Variants in EIF2AK2 observed in about 807,000 individuals in gnomAD.
The protein encoded by EIF2AK2 is interferon-induced, double-stranded RNA-activated protein kinase.
EIF2AK2 carries 40 observed loss-of-function variants against 70.5 expected under a neutral mutation model. That is an observed-to-expected ratio of 0.57 (90% CI 0.44 to 0.74). EIF2AK2 has a LOEUF of 0.74. Among genes scored for constraint, EIF2AK2 ranks in the 30% least tolerant of loss-of-function variants. The pLI, the probability that EIF2AK2 is intolerant of heterozygous loss-of-function variation, is 0.00. For missense variants in EIF2AK2, 555 were observed against 644.3 expected, an observed-to-expected ratio of 0.86 and a Z score of 1.50; for synonymous variants, 198 against 220.9, an observed-to-expected ratio of 0.90 and a Z score of 0.92.
chr2:37,127,337 C>A (rs920379523), intron 10 of EIF2AK2, among the ~76,000 whole-genome samples: 1 of 152,152 alleles, frequency 6.6e-6, no homozygotes, highest in African/African-American at 2.4e-5. Context: ...CATGCAGCAA[C>A]CAGAGGGATG....
At position 37,100,601 on chromosome 2, in the gene EIF2AK2, T is replaced by G. The variant is rs1213631444; in HGVS notation, c.*6672A>C. 1 of 152,226 alleles carries G rather than the reference T, an allele frequency of 6.6e-6. No individual in the cohort carries two copies. Among genetic ancestry groups the G allele is most frequent in the Non-Finnish European group, 1.5e-5 (1 of 68,030 alleles). The allele number at this position is 152,226 out of a possible 1,614,324, so 9.4% of individuals were successfully genotyped here. A position where few individuals can be genotyped will look rare whatever the true frequency, so the allele number is the denominator to read the frequency against. On this transcript the variant is annotated 3_prime_UTR_variant, in exon 17 of 17. Coordinates refer to ENST00000233057, the MANE Select transcript of EIF2AK2 (RefSeq NM_001135651.3). ...TTCATCTATGACTATTTTTAAGAAA[T>G]GTAAGATTTGGATAAGTCATAATCA... is the stretch of plus-strand genomic sequence containing the variant.
At chr2:37,151,457 G>A (rs918342647) in intron 1 of EIF2AK2, among the ~76,000 whole-genome samples, 1 of 152,130 alleles carries the variant, frequency 6.6e-6, no homozygotes, top group Non-Finnish European at 1.5e-5. Context: ...TAAAAAATAA[G>A]TGTTGGTGAG....
chr2:37,147,878 G>T, intron 2 of EIF2AK2, 56 bp from the exon 3 acceptor site: 1 of 1,261,926 alleles, frequency 7.9e-7, no homozygotes, highest in African/African-American at 1.5e-5. Context: ...TTTAATCTGA[G>T]TTTCCCAATG....
At chr2:37,133,921 A>G (rs910242891) in intron 10 of EIF2AK2, among the ~76,000 whole-genome samples, 1 of 152,084 alleles carries the variant, frequency 6.6e-6, no homozygotes. Context: ...CTTTCTATCT[A>G]AATTCCCTAA....
At chr2:37,125,290 C>T (rs1050838712) in intron 11 of EIF2AK2, among the ~76,000 whole-genome samples, 2 of 152,192 alleles carry the variant, frequency 1.3e-5, no homozygotes, top group Admixed American at 1.3e-4. Context: ...GGATTACAGG[C>T]GTGAGCCACC....
In EIF2AK2 at chr2:37,104,709, T is replaced by C. The variant is rs1335772416; in HGVS notation, c.*2564A>G. 6.6e-6 allele frequency: 1 copy of C among 152,216 alleles called. No individual in the cohort carries two copies. Among genetic ancestry groups the C allele is most frequent in the African/African-American group, 2.4e-5 (1 of 41,448 alleles). 9.4% of individuals were successfully genotyped at this position (152,216 alleles called of 1,614,324 possible). A position where few individuals can be genotyped will look rare whatever the true frequency, so the allele number is the denominator to read the frequency against. Reference sequence around the variant, plus strand: ...TACAAGTCTCTCCCCTTTTTTTTTTTTTCATGACACTGACTTTTTGAGAAG... The same window carrying C: ...TACAAGTCTCTCCCCTTTTTTTTTTCTTCATGACACTGACTTTTTGAGAAG... On this transcript the variant is annotated 3_prime_UTR_variant, in exon 17 of 17. Coordinates refer to ENST00000233057, the MANE Select transcript of EIF2AK2 (RefSeq NM_001135651.3).
At chr2:37,156,336 A>T (rs546807423) in intron 1 of EIF2AK2, among the ~76,000 whole-genome samples, 1 of 152,280 alleles carries the variant, frequency 6.6e-6, no homozygotes, top group African/African-American at 2.4e-5. Context: ...AGGTCGGAGC[A>T]GGGGAGAGTC....
In EIF2AK2 at chr2:37,100,349, C is replaced by T. The variant is rs1174298046; in HGVS notation, c.*6924G>A. On this transcript the variant is annotated 3_prime_UTR_variant, in exon 17 of 17. Coordinates refer to ENST00000233057, the MANE Select transcript of EIF2AK2 (RefSeq NM_001135651.3). ...CATTTTAGACTTCTGGCCTCCAGAA[C>T]AGAAAGAGAATAAATGTGTGTTGTT... 1 of 152,152 alleles carries T rather than the reference C, an allele frequency of 6.6e-6. No homozygotes were observed. Among genetic ancestry groups the T allele is most frequent in the Non-Finnish European group, 1.5e-5 (1 of 68,034 alleles). 9.4% of individuals were successfully genotyped at this position (152,152 alleles called of 1,614,324 possible). A position where few individuals can be genotyped will look rare whatever the true frequency, so the allele number is the denominator to read the frequency against.
intron 13 of EIF2AK2, among the ~76,000 whole-genome samples, chr2:37,118,313 CA>C (rs200335575): frequency 3.3e-5 from 5 of 149,538 alleles, no homozygotes; most frequent in African/African-American, 7.4e-5. Flanking sequence ...GACCTTGTCT[CA>C]AAAAAAAATA....
rs755192926 is a variant in EIF2AK2 at position 37,107,166 on chromosome 2, A to G, written c.*107T>C. ...ATTAGTAAAAATAGTAAAAAATTAAAGGAAACATTAAAATAAAAGGTAAAT... is the reference window on the plus strand; with the variant it reads ...ATTAGTAAAAATAGTAAAAAATTAAGGGAAACATTAAAATAAAAGGTAAAT... On this transcript the variant is annotated 3_prime_UTR_variant, in exon 17 of 17. Coordinates refer to ENST00000233057, the MANE Select transcript of EIF2AK2 (RefSeq NM_001135651.3). 1.1e-5 allele frequency: 14 copies of G among 1,313,436 alleles called. No individual in the cohort carries two copies. The highest frequency in any genetic ancestry group is 2.8e-5 in the Admixed American group (1 of 36,266). 81.4% of individuals were successfully genotyped at this position (1,313,436 alleles called of 1,614,324 possible).
rs1674841980 is a variant in EIF2AK2, at chr2:37,128,833, G to A, written c.786-2422C>T. On this transcript the variant is annotated intron_variant, in intron 10 of 16. Transcript: ENST00000233057. Reference sequence around the variant, plus strand: ...GCCAACAGGGAGACAATGGCATCAGGTGAAGAGACCACATGATTACCTGTC... The same window carrying A: ...GCCAACAGGGAGACAATGGCATCAGATGAAGAGACCACATGATTACCTGTC... 2.0e-5 allele frequency among the ~76,000 whole-genome samples: 3 copies of A among 152,316 alleles called. No individual in the cohort carries two copies. The South Asian group carries it at 6.2e-4, about 32-fold the overall frequency.
Position 37,120,127 on chromosome 2 carries a change from C to T in EIF2AK2, c.1080G>A (p.Lys360=), listed in dbSNP as rs1379473712. ...NSKNSSRSKT[K]CLFIQMEFCD... ...AGAATTCCATTTGGATGAAAAGGCA[C>T]TTAGTCTTTGACCTGGGTATAAAAT... Residue 360 remains lysine (K), a synonymous_variant, in exon 13 of 17, where the codon AAG becomes AAA. Coordinates refer to ENST00000233057, the MANE Select transcript of EIF2AK2 (RefSeq NM_001135651.3). 3.4e-6 allele frequency: 5 copies of T among 1,457,172 alleles called. No individual in the cohort carries two copies. In the East Asian group the frequency reaches 1.0e-4, roughly 30 times the overall value. The allele number at this position is 1,457,172 out of a possible 1,614,324, so 90.3% of individuals were successfully genotyped here. A position where few individuals can be genotyped will look rare whatever the true frequency, so the allele number is the denominator to read the frequency against.
chr2:37,118,397 A>C (rs533341590), intron 13 of EIF2AK2, among the ~76,000 whole-genome samples: 1 of 152,358 alleles, frequency 6.6e-6, no homozygotes, highest in Admixed American at 6.5e-5. Flanking sequence ...AATTCTCTGC[A>C]AATAGACACA....
At chr2:37,151,607 A>C (rs891870072) in intron 1 of EIF2AK2, among the ~76,000 whole-genome samples, 1 of 152,242 alleles carries the variant, frequency 6.6e-6, no homozygotes, top group Non-Finnish European at 1.5e-5. Context: ...AGAATTGGAA[A>C]ACAGGTTTCC....
intron 7 of EIF2AK2, 46 bp from the exon 8 acceptor site, chr2:37,138,409 T>C: frequency 6.3e-7 from 1 of 1,599,272 alleles, no homozygotes; most frequent in Non-Finnish European, 8.5e-7. Flanking sequence ...TCTGTTTTTA[T>C]CACTTATTTC....
chr2:37,155,987 TAAC>T (rs1381165341), intron 1 of EIF2AK2, among the ~76,000 whole-genome samples: 1 of 150,230 alleles, frequency 6.7e-6, no homozygotes, highest in East Asian at 1.9e-4. Flanking sequence ...CACCAGGTGA[TAAC>T]TACTATGTTG....
intron 10 of EIF2AK2, among the ~76,000 whole-genome samples, chr2:37,129,057 C>T (rs1431385173): frequency 6.6e-6 from 1 of 151,998 alleles, no homozygotes; most frequent in Non-Finnish European, 1.5e-5. Context: ...CAATCCACCC[C>T]AGATATTCGG....
chr2:37,155,895 C>A (rs1272418614), intron 1 of EIF2AK2, among the ~76,000 whole-genome samples: 5 of 147,328 alleles, frequency 3.4e-5, no homozygotes, highest in Non-Finnish European at 5.9e-5. Context: ...GAGCCCAGAT[C>A]GTGCCACTGC....
At chr2:37,146,808 G>C in intron 4 of EIF2AK2, 45 bp downstream of exon 4, 1 of 1,581,868 alleles carries the variant, frequency 6.3e-7, no homozygotes, top group Non-Finnish European at 8.6e-7. Context: ...AACAGAAAAT[G>C]TATTTGCAAG....
Sources: gnomAD v4.1 joint callset for allele counts (sites outside exome capture counted in the v4.1 genomes callset) on GRCh38, gnomAD v4.1.1 for gene constraint, MANE v1.5 for transcripts, NCBI Gene and HGNC (gene_info 2026-07-23, HGNC 2026-07-21) for gene names.